PLEKHA5: variants seen among roughly 807,000 people sequenced by gnomAD.
The protein encoded by PLEKHA5 is pleckstrin homology domain-containing family A member 5.
In PLEKHA5, 55 loss-of-function variants were observed where a neutral mutation model predicts 181.9. The observed-to-expected ratio is 0.30, with a 90% CI of 0.24 to 0.38. PLEKHA5 has a LOEUF of 0.38. PLEKHA5 is among the 10% of genes least tolerant of loss of function. The pLI is 1.00. For synonymous variants in PLEKHA5, 535 were observed against 529.4 expected (o/e 1.01, Z -0.15); for missense variants, 1,432 against 1,549.5 (o/e 0.92, Z 1.27).
chr12:19,148,478 T>G (rs2039518775), intron 3 of PLEKHA5, among the ~76,000 whole-genome samples: 1 of 152,232 alleles, frequency 6.6e-6, no homozygotes, highest in African/African-American at 2.4e-5. Context: ...CTGAACACAC[T>G]ACGTGTGGGC....
intron 3 of PLEKHA5, among the ~76,000 whole-genome samples, chr12:19,132,795 T>G (rs918815714): frequency 1.9e-5 from 2 of 107,762 alleles, no homozygotes; most frequent in African/African-American, 3.1e-5. Flanking sequence ...TTTTTTTTGG[T>G]GCTTCTGTGT....
chr12:19,328,307 G>A (rs1385569135), intron 20 of PLEKHA5, among the ~76,000 whole-genome samples: 1 of 152,036 alleles, frequency 6.6e-6, no homozygotes, highest in Non-Finnish European at 1.5e-5. Flanking sequence ...TATCTGTTTG[G>A]ACTCTTGGTT....
At chr12:19,363,191 A>G (rs1361942396) in intron 29 of PLEKHA5, among the ~76,000 whole-genome samples, 3 of 149,346 alleles carry the variant, frequency 2.0e-5, no homozygotes, top group Non-Finnish European at 3.0e-5. Flanking sequence ...CTGGAGTGCA[A>G]TGGCGCAATC....
At position 19,253,492 on chromosome 12, in the gene PLEKHA5, T is replaced by C. The variant is rs545988967; in HGVS notation, c.228-448T>C. On this transcript the variant is annotated intron_variant, in intron 3 of 31. Transcript: ENST00000429027. ...CATTTACACACATATACACTCTCAA[T>C]AGATAGTAGGAAAGATATATTTAGG... is the stretch of plus-strand genomic sequence containing the variant. 1.1e-4 allele frequency among the ~76,000 whole-genome samples: 17 copies of C among 152,180 alleles called. No homozygotes were observed. The South Asian group carries it at 1.7e-3, about 15-fold the overall frequency.
At chr12:19,167,942 C>T (rs1296571118) in intron 3 of PLEKHA5, among the ~76,000 whole-genome samples, 1 of 151,992 alleles carries the variant, frequency 6.6e-6, no homozygotes, top group African/African-American at 2.4e-5. Flanking sequence ...AGTCTAGTTT[C>T]TGTTAGTTGA....
intron 21 of PLEKHA5, among the ~76,000 whole-genome samples, chr12:19,341,672 C>T (rs1423985330): frequency 6.6e-6 from 1 of 151,596 alleles, no homozygotes; most frequent in Non-Finnish European, 1.5e-5. Flanking sequence ...TGAGTTTTTT[C>T]TTTTTCTTTT....
At chr12:19,283,002 C>G (rs2076498451) in intron 11 of PLEKHA5, among the ~76,000 whole-genome samples, 1 of 151,692 alleles carries the variant, frequency 6.6e-6, no homozygotes, top group Non-Finnish European at 1.5e-5. Flanking sequence ...TCAAGATCAG[C>G]CGGGCATGGT....
Position 19,269,864 on chromosome 12 carries a change from T to C in PLEKHA5, c.806T>C (p.Val269Ala). 6.3e-7 allele frequency: 1 copy of C among 1,584,062 alleles called. No individual in the cohort carries two copies. Among genetic ancestry groups the C allele is most frequent in the Non-Finnish European group, 8.7e-7 (1 of 1,152,768 alleles). Residue 269 changes from valine to alanine, a missense_variant, in exon 9 of 32, where the codon GTA (valine) becomes GCA (alanine). Val to Ala is a moderately conservative substitution (Grantham distance 64, BLOSUM62 0). Around this residue, in one of 2 missense-constraint regions of PLEKHA5, gnomAD observed 289 missense variants for 381.1 expected, o/e 0.76. Coordinates refer to ENST00000429027, the MANE Select transcript of PLEKHA5 (RefSeq NM_001256470.2). The part of the protein sequence containing the change: ...WMKAMLDAAL[V>A]QTEPVKRITF... ...AAAGCCATGTTAGATGCTGCCCTAG[T>C]ACAGACAGAACCTGTGAAAAGGTAA...
At chr12:19,193,667 C>T (rs1257054749) in intron 3 of PLEKHA5, among the ~76,000 whole-genome samples, 2 of 152,122 alleles carry the variant, frequency 1.3e-5, no homozygotes, top group African/African-American at 4.8e-5. Context: ...TCCTATCATC[C>T]ACCCTTCTCC....
At chr12:19,135,721 A>T (rs2151028417) in intron 3 of PLEKHA5, among the ~76,000 whole-genome samples, 1 of 152,282 alleles carries the variant, frequency 6.6e-6, no homozygotes, top group East Asian at 1.9e-4. Flanking sequence ...TCAGCGTAAG[A>T]GTTGTATAGG....
intron 24 of PLEKHA5, among the ~76,000 whole-genome samples, chr12:19,347,671 T>C (rs2094404975): frequency 1.3e-5 from 2 of 152,036 alleles, no homozygotes; most frequent in African/African-American, 4.8e-5. Context: ...AAGCAAATAA[T>C]GTAGGATATA....
chr12:19,189,624 A>G (rs758232258), intron 3 of PLEKHA5, among the ~76,000 whole-genome samples: 8 of 152,196 alleles, frequency 5.3e-5, no homozygotes, highest in African/African-American at 1.9e-4. Flanking sequence ...GGGAAAGCCA[A>G]TGGAAATTTC....
At chr12:19,259,275 G>A (rs575463145) in intron 6 of PLEKHA5, among the ~76,000 whole-genome samples, 1 of 152,106 alleles carries the variant, frequency 6.6e-6, no homozygotes, top group Non-Finnish European at 1.5e-5. Flanking sequence ...GGCTGAAGTG[G>A]GAGGATCACT....
chr12:19,180,373 T>G (rs1047216755), intron 3 of PLEKHA5, among the ~76,000 whole-genome samples: 1 of 152,096 alleles, frequency 6.6e-6, no homozygotes, highest in Non-Finnish European at 1.5e-5. Context: ...ATTTAACCCA[T>G]GAGGGGAGTC....
At chr12:19,150,722 A>G (rs556872815) in intron 3 of PLEKHA5, 1 of 152,210 alleles carries the variant, frequency 6.6e-6, no homozygotes, top group Admixed American at 6.5e-5. Flanking sequence ...TGCATTGCAG[A>G]CACTTGTTGG....
chr12:19,370,287 A>G (rs2095542470), intron 31 of PLEKHA5, among the ~76,000 whole-genome samples: 1 of 152,210 alleles, frequency 6.6e-6, no homozygotes, highest in East Asian at 1.9e-4. Flanking sequence ...ATCTGATATT[A>G]TTTCTAAGTA....
At chr12:19,357,260 T>G (rs1481216156) in intron 26 of PLEKHA5, among the ~76,000 whole-genome samples, 1 of 149,528 alleles carries the variant, frequency 6.7e-6, no homozygotes, top group African/African-American at 2.4e-5. Flanking sequence ...TATTCTTTTT[T>G]TTTTTTTTTT....
chr12:19,216,172 A>C (rs1449130283), intron 3 of PLEKHA5, among the ~76,000 whole-genome samples: 1 of 152,176 alleles, frequency 6.6e-6, no homozygotes. Flanking sequence ...AGAATTTCTC[A>C]TGTGGGTTTT....
At chr12:19,248,175 T>C (rs1298972591) in intron 3 of PLEKHA5, among the ~76,000 whole-genome samples, 2 of 152,138 alleles carry the variant, frequency 1.3e-5, no homozygotes, top group African/African-American at 4.8e-5. Flanking sequence ...GAGAGTTGTG[T>C]TCACATCACT....
Sources: allele counts gnomAD v4.1 joint callset (sites outside exome capture counted in the v4.1 genomes callset), GRCh38; gene constraint gnomAD v4.1.1; regional missense constraint gnomAD v4.1.1; transcripts MANE v1.5; gene names NCBI Gene and HGNC (gene_info 2026-07-23, HGNC 2026-07-21).